FHOD3: variants seen among roughly 807,000 people sequenced by gnomAD.
FHOD3 encodes formin homology 2 domain containing 3, also known as FH1/FH2 domain-containing protein 3.
Under a neutral mutation model 173.0 loss-of-function variants are expected in FHOD3, and 90 were observed. That is an observed-to-expected ratio of 0.52 (90% CI 0.44 to 0.62). The LOEUF is 0.62. Among genes scored for constraint, FHOD3 ranks in the 20% least tolerant of loss-of-function variants. The pLI, the probability that FHOD3 is intolerant of heterozygous loss-of-function variation, is 0.00. For synonymous variants in FHOD3, 828 were observed against 823.0 expected (o/e 1.01, Z -0.10); for missense variants, 1,945 against 2,034.7 (o/e 0.96, Z 0.85).
intron 10 of FHOD3, among the ~76,000 whole-genome samples, chr18:36,629,243 C>G (rs1034712175): frequency 2.0e-5 from 3 of 152,206 alleles, no homozygotes; most frequent in African/African-American, 7.2e-5. Flanking sequence ...ATTGCAACTA[C>G]TCAACTGAAT....
chr18:36,466,195 C>T (rs146719585), intron 3 of FHOD3, among the ~76,000 whole-genome samples: 53 of 152,310 alleles, frequency 3.5e-4, no homozygotes, highest in African/African-American at 1.2e-3. Context: ...CAGGCTATCC[C>T]GCAGAGACAT....
chr18:36,748,900 C>T (rs541221851), intron 24 of FHOD3, among the ~76,000 whole-genome samples: 1 of 152,068 alleles, frequency 6.6e-6, no homozygotes, highest in South Asian at 2.1e-4. Flanking sequence ...TTCCTTCCCC[C>T]TCCCACCAAC....
chr18:36,521,096 C>CT (rs971092461), intron 5 of FHOD3, among the ~76,000 whole-genome samples: 5 of 152,176 alleles, frequency 3.3e-5, no homozygotes, highest in African/African-American at 1.2e-4. Flanking sequence ...TGGATTAAAA[C>CT]TTTTTTTGTG....
intron 5 of FHOD3, among the ~76,000 whole-genome samples, chr18:36,557,859 A>G (rs1207542279): frequency 6.6e-6 from 1 of 152,158 alleles, no homozygotes; most frequent in African/African-American, 2.4e-5. Context: ...AGTTACTTGT[A>G]AACAGTTTGA....
At chr18:36,746,555 T>C (rs921996484) in intron 23 of FHOD3, among the ~76,000 whole-genome samples, 6 of 152,184 alleles carry the variant, frequency 3.9e-5, no homozygotes, top group African/African-American at 1.4e-4. Context: ...AGGACTAGGG[T>C]GCATTTCTCA....
chr18:36,324,933 A>T (rs1469849413), intron 1 of FHOD3, among the ~76,000 whole-genome samples: 1 of 152,252 alleles, frequency 6.6e-6, no homozygotes, highest in Non-Finnish European at 1.5e-5. Flanking sequence ...TGCAATGTTC[A>T]TCAATAGTGG....
chr18:36,350,772 T>C (rs921560290), intron 1 of FHOD3, among the ~76,000 whole-genome samples: 1 of 152,180 alleles, frequency 6.6e-6, no homozygotes, highest in Non-Finnish European at 1.5e-5. Flanking sequence ...GTGTAATAAC[T>C]GGATTTGAAT....
chr18:36,707,315 C>G (rs1265982417), intron 17 of FHOD3, among the ~76,000 whole-genome samples: 1 of 152,116 alleles, frequency 6.6e-6, no homozygotes, highest in Non-Finnish European at 1.5e-5. Context: ...CCAGCCTTCC[C>G]TGGAAGCAGG....
intron 5 of FHOD3, among the ~76,000 whole-genome samples, chr18:36,515,342 C>A (rs934707761): frequency 4.6e-5 from 7 of 152,262 alleles, no homozygotes; most frequent in South Asian, 2.1e-4. Flanking sequence ...CTCAGCCTCC[C>A]AAGTAGCTGG....
At chr18:36,336,587 A>G (rs993739982) in intron 1 of FHOD3, among the ~76,000 whole-genome samples, 1 of 152,096 alleles carries the variant, frequency 6.6e-6, no homozygotes, top group African/African-American at 2.4e-5. Context: ...CTGTAATCCC[A>G]GCACTTTGGG....
intron 18 of FHOD3, among the ~76,000 whole-genome samples, chr18:36,716,118 G>A (rs896803057): frequency 2.0e-5 from 3 of 152,250 alleles, no homozygotes; most frequent in Non-Finnish European, 2.9e-5. Flanking sequence ...AAAAGACTTT[G>A]AGCAGAAAGA....
intron 2 of FHOD3, among the ~76,000 whole-genome samples, chr18:36,364,289 T>C (rs1190465979): frequency 1.3e-5 from 2 of 152,170 alleles, no homozygotes; most frequent in East Asian, 3.8e-4. Flanking sequence ...AAAATAGCTA[T>C]AGCATCCTGA....
At chr18:36,522,559 G>C (rs994468797) in intron 5 of FHOD3, among the ~76,000 whole-genome samples, 12 of 152,288 alleles carry the variant, frequency 7.9e-5, no homozygotes, top group Admixed American at 7.8e-4. Flanking sequence ...AGCCTGTTTT[G>C]TATGTGGAGG....
intron 3 of FHOD3, among the ~76,000 whole-genome samples, chr18:36,422,660 AC>A (rs1409457432): frequency 1.3e-5 from 2 of 152,194 alleles, no homozygotes; most frequent in African/African-American, 4.8e-5. Flanking sequence ...CTGCAGGCTG[AC>A]CTAAGGGGCT....
chr18:36,372,838 A>G, intron 3 of FHOD3, 94 bp downstream of exon 3: 1 of 1,040,262 alleles, frequency 9.6e-7, no homozygotes, highest in Non-Finnish European at 1.4e-6. Flanking sequence ...GTCTGTTTGC[A>G]CTAGCCCCTA....
intron 5 of FHOD3, among the ~76,000 whole-genome samples, chr18:36,563,929 T>C (rs900600274): frequency 6.6e-6 from 1 of 152,158 alleles, no homozygotes; most frequent in Non-Finnish European, 1.5e-5. Flanking sequence ...ATTACTCGTC[T>C]CTACACCTTG....
chr18:36,504,693 T>A (rs1199772374), intron 4 of FHOD3, among the ~76,000 whole-genome samples: 2 of 151,942 alleles, frequency 1.3e-5, no homozygotes, highest in Non-Finnish European at 2.9e-5. Context: ...TGTATACATA[T>A]GTAACTAACC....
chr18:36,553,897 C>T (rs2057765185), intron 5 of FHOD3, among the ~76,000 whole-genome samples: 2 of 152,210 alleles, frequency 1.3e-5, no homozygotes, highest in Non-Finnish European at 2.9e-5. Flanking sequence ...TGCTTATCAT[C>T]ACTGGCCATC....
intron 1 of FHOD3, among the ~76,000 whole-genome samples, chr18:36,332,087 C>T (rs987052534): frequency 2.0e-5 from 3 of 152,164 alleles, no homozygotes; most frequent in African/African-American, 7.2e-5. Context: ...TTCCCTTCAG[C>T]CAGAGTCCTC....
Sources: allele counts gnomAD v4.1 joint callset (sites outside exome capture counted in the v4.1 genomes callset), GRCh38; gene constraint gnomAD v4.1.1; transcripts MANE v1.5; gene names NCBI Gene and HGNC (gene_info 2026-07-23, HGNC 2026-07-21).